RHPN1: variants seen among roughly 807,000 people sequenced by gnomAD.
The protein encoded by RHPN1 is rhophilin Rho GTPase binding protein 1.
In RHPN1, 77 loss-of-function variants were observed where a neutral mutation model predicts 74.7. The observed-to-expected ratio is 1.03, with a 90% CI of 0.86 to 1.25. RHPN1 has a LOEUF of 1.25. Among genes scored for constraint, RHPN1 ranks in the 50% most tolerant of loss-of-function variants. The probability of loss-of-function intolerance (pLI) is 0.00; values close to 1 mark genes in which losing one functional copy is unlikely to be tolerated. For missense variants in RHPN1, 987 were observed against 932.2 expected (o/e 1.06, Z -0.77); for synonymous variants, 444 against 414.5 (o/e 1.07, Z -0.87).
chr8:143,379,301 C>A lies in RHPN1; in HGVS notation c.752-14C>A, dbSNP rs1301396235. On this transcript the variant is annotated splice_polypyrimidine_tract_variant and intron_variant, in intron 7 of 14. Transcript: ENST00000289013. ...TACAGGGCCCTGCCTGTGTGAGCACCCCTCCCTCCGCAGGGGCCTTCAGCC... is the reference window on the plus strand; with the variant it reads ...TACAGGGCCCTGCCTGTGTGAGCACACCTCCCTCCGCAGGGGCCTTCAGCC... 4 of 1,568,588 alleles carry A rather than the reference C, an allele frequency of 2.6e-6. No individual in the cohort carries two copies. Among genetic ancestry groups the A allele is most frequent in the Non-Finnish European group, 3.5e-6 (4 of 1,154,578 alleles).
Position 143,384,174 on chromosome 8 carries a change from T to C in RHPN1, c.*1523T>C, listed in dbSNP as rs1818922133. ...GCAGAATGGGCCAAGGTCACGCAGGTCTCCCCAGCACGTGTTAATTTGGTT... is the reference window on the plus strand; with the variant it reads ...GCAGAATGGGCCAAGGTCACGCAGGCCTCCCCAGCACGTGTTAATTTGGTT... On this transcript the variant is annotated 3_prime_UTR_variant, in exon 15 of 15. Transcript: ENST00000289013. 1 of 151,576 alleles carries C rather than the reference T, an allele frequency of 6.6e-6. No individual in the cohort carries two copies. The highest frequency in any genetic ancestry group is 2.1e-4 in the South Asian group (1 of 4,748). The allele number at this position is 151,576 out of a possible 1,614,324, so 9.4% of individuals were successfully genotyped here. A position where few individuals can be genotyped will look rare whatever the true frequency, so the allele number is the denominator to read the frequency against.
chr8:143,379,061 C>T lies in RHPN1; in HGVS notation c.734C>T (p.Ala245Val). Residue 245 changes from alanine (A) to valine (V), a missense_variant, in exon 7 of 15, where the codon GCC becomes GTC. Ala to Val is a moderately conservative substitution (Grantham distance 64). Coordinates refer to ENST00000289013, the MANE Select transcript of RHPN1 (RefSeq NM_052924.3). ...CTEGARRAMEAFQRAAGAFSL... is the reference protein window; with the variant it reads ...CTEGARRAMEVFQRAAGAFSL... ...GAGGGTGCCCGCCGCGCTATGGAGG[C>T]CTTCCAGAGGGCCGCTGGTGAGGGC... The T allele has an allele frequency of 6.5e-7, 1 of 1,527,906 alleles. No individual in the cohort carries two copies. Among genetic ancestry groups the T allele is most frequent in the Non-Finnish European group, 8.8e-7 (1 of 1,137,460 alleles). The allele number at this position is 1,527,906 out of a possible 1,614,324, so 94.6% of individuals were successfully genotyped here.
Position 143,379,468 on chromosome 8 carries a change from A to G in RHPN1, c.905A>G (p.Asp302Gly), listed in dbSNP as rs938153395. The change falls in exon 8 of 15, where the codon GAC (aspartate) becomes GGC (glycine). Residue 302 changes from aspartate (D) to glycine (G), a missense_variant. By Grantham distance (94) the Asp-to-Gly change is moderately conservative. Coordinates refer to ENST00000289013, the MANE Select transcript of RHPN1 (RefSeq NM_052924.3). ...LSPPASMAPQ[D>G]CLAQLRLAQE... ...CCACCTGCCTCCATGGCCCCCCAAG[A>G]CTGCCTGGCCCAGCTGCGCCTGGCG... is the stretch of plus-strand genomic sequence containing the variant. 6.4e-7 allele frequency: 1 copy of G among 1,568,772 alleles called. No homozygotes were observed. The highest frequency in any genetic ancestry group is 8.6e-7 in the Non-Finnish European group (1 of 1,157,430).
Position 143,382,637 on chromosome 8 carries a change from C to G in RHPN1, c.1999C>G (p.Pro667Ala). 1 of 1,609,700 alleles carries G rather than the reference C, an allele frequency of 6.2e-7. No individual in the cohort carries two copies. Among genetic ancestry groups the G allele is most frequent in the Non-Finnish European group, 8.5e-7 (1 of 1,179,562 alleles). ...AGCTCCGCCCTCATCCTTGAAGCAC[C>G]CAGGGTGGCCGTGAGGGCCAGGATC... ...KPAPPSSLKH[P>A]GWP The change falls in exon 15 of 15, where the codon CCA (proline) becomes GCA (alanine). Residue 667 changes from proline to alanine, a missense_variant. Transcript: ENST00000289013.
Position 143,379,291 on chromosome 8 carries a change from G to T in RHPN1, c.752-24G>T, listed in dbSNP as rs1294876864. ...GATGGGCAGGTACAGGGCCCTGCCT[G>T]TGTGAGCACCCCTCCCTCCGCAGGG... On this transcript the variant is annotated intron_variant, in intron 7 of 14. Coordinates refer to ENST00000289013, the MANE Select transcript of RHPN1 (RefSeq NM_052924.3). 1.9e-6 allele frequency: 3 copies of T among 1,556,332 alleles called. No homozygotes were observed. The African/African-American group carries it at 4.1e-5, about 21-fold the overall frequency.
chr8:143,374,035 C>T lies in RHPN1; in HGVS notation c.61-1518C>T, dbSNP rs550671404. 5 of 813,694 alleles carry T rather than the reference C, an allele frequency of 6.1e-6. No individual in the cohort carries two copies. In the South Asian group the frequency reaches 2.8e-4, roughly 45 times the overall value. 50.4% of individuals were successfully genotyped at this position (813,694 alleles called of 1,614,324 possible). On this transcript the variant is annotated intron_variant, in intron 1 of 14. Transcript: ENST00000289013. The stretch of plus-strand genomic sequence containing the variant: ...ATTTTGGGGGGCTGGACGAGCAGGC[C>T]TTCTGTCTAGGAAATCAAACCTTTC...
Position 143,379,493 on chromosome 8 carries a change from G to A in RHPN1, c.930G>A (p.Ala310=), listed in dbSNP as rs945412315. ...ACTGCCTGGCCCAGCTGCGCCTGGC[G>A]CAGGAGGCCGCCCAGGTGAGCTCGG... The part of the protein sequence containing the change: ...PQDCLAQLRL[A]QEAAQVAAEY... The change falls in exon 8 of 15, where the codon GCG becomes GCA. Residue 310 remains alanine, a synonymous_variant. Transcript: ENST00000289013. 90 of 1,555,144 alleles carry A rather than the reference G, an allele frequency of 5.8e-5. No homozygotes were observed. The highest frequency in any genetic ancestry group is 2.2e-4 in the African/African-American group (16 of 73,262).
In RHPN1 at chr8:143,378,814, TC is replaced by T. The variant is rs746814569; in HGVS notation, c.580del (p.His194ThrfsTer63). ...CCTGCCAGGAGCCTCGGGCTCTTCT[TC>T]CACTGGTAGGGGCTCTGCGGGCGGA... is the stretch of plus-strand genomic sequence containing the variant. ...LTPARSLGLFFHWYDSLTGVP... is the reference protein window; with the variant it reads ...LTPARSLGLFXHWYDSLTGVP... On this transcript the variant is annotated frameshift_variant, in exon 6 of 15. Coordinates refer to ENST00000289013, the MANE Select transcript of RHPN1 (RefSeq NM_052924.3). LOFTEE classifies it high-confidence loss of function. The T allele has an allele frequency of 4.5e-6, 7 of 1,564,938 alleles. No individual in the cohort carries two copies. The African/African-American group carries it at 8.2e-5, about 18-fold the overall frequency.
chr8:143,378,770 G>A lies in RHPN1; in HGVS notation c.534G>A (p.Leu178=). The A allele has an allele frequency of 6.3e-7, 1 of 1,575,390 alleles. No individual in the cohort carries two copies. Among genetic ancestry groups the A allele is most frequent in the Non-Finnish European group, 8.6e-7 (1 of 1,160,908 alleles). ...CCTATTACAACCAGCTGTGCTTCCT[G>A]GATGCGCGCTTCCTCACCCCTGCCA... The part of the protein sequence containing the change: ...LTAYYNQLCF[L]DARFLTPARS... Residue 178 remains leucine, a synonymous_variant, in exon 6 of 15, where the codon CTG becomes CTA. Transcript: ENST00000289013.
chr8:143,366,544 C>T (rs1043069248), upstream of RHPN1: 2 of 151,434 alleles, frequency 1.3e-5, no homozygotes, highest in African/African-American at 4.9e-5. Context: ...CACACACGCA[C>T]ATATGCACGC....
chr8:143,377,979 T>C (rs984869389), intron 4 of RHPN1, among the ~76,000 whole-genome samples: 2 of 152,162 alleles, frequency 1.3e-5, no homozygotes, highest in Non-Finnish European at 2.9e-5. Context: ...CACGTAAAAG[T>C]AGCGCTGAGT....
At chr8:143,366,021 A>G (rs527293611), upstream of RHPN1, among the ~76,000 whole-genome samples, 832 of 150,394 alleles carry the variant, frequency 5.5e-3, 5 homozygotes, top group Non-Finnish European at 9.1e-3. Context: ...AAAAAAGGCC[A>G]GTCACAGTGG....
chr8:143,378,125 C>A, intron 4 of RHPN1, 144 bp from the exon 5 acceptor site: 1 of 691,460 alleles, frequency 1.4e-6, no homozygotes, highest in Non-Finnish European at 2.5e-6. Flanking sequence ...GGGCCCAGGG[C>A]CCCCACGCTG....
chr8:143,382,948 C>G lies in RHPN1; in HGVS notation c.*297C>G, dbSNP rs1818841822. The G allele has an allele frequency of 2.2e-6, 1 of 446,046 alleles. No homozygotes were observed. The highest frequency in any genetic ancestry group is 4.1e-6 in the Non-Finnish European group (1 of 244,626). 27.6% of individuals were successfully genotyped at this position (446,046 alleles called of 1,614,324 possible). A position where few individuals can be genotyped will look rare whatever the true frequency, so the allele number is the denominator to read the frequency against. On this transcript the variant is annotated 3_prime_UTR_variant, in exon 15 of 15. Coordinates refer to ENST00000289013, the MANE Select transcript of RHPN1 (RefSeq NM_052924.3). ...AGGGTGCTCCTCACAGCCATCCCAT[C>G]TGTACCCCCGGGCTCTGTCCACCCT...
intron 8 of RHPN1, 105 bp from the exon 9 acceptor site, chr8:143,379,724 G>C: frequency 6.8e-7 from 1 of 1,467,312 alleles, no homozygotes; most frequent in Non-Finnish European, 9.0e-7. Flanking sequence ...AGGTGCCAGG[G>C]AGGCTGCTGG....
Position 143,369,036 on chromosome 8 carries a change from C to A in RHPN1, c.49C>A (p.Pro17Thr). 1 of 1,494,922 alleles carries A rather than the reference C, an allele frequency of 6.7e-7. No homozygotes were observed. The highest frequency in any genetic ancestry group is 8.8e-7 in the Non-Finnish European group (1 of 1,130,138). The allele number at this position is 1,494,922 out of a possible 1,614,324, so 92.6% of individuals were successfully genotyped here. The part of the protein sequence containing the change: ...PDGAGAGEES[P>T]RLQGCDSLTQ... ...CGGCGCGGGCGCCGGCGAGGAGAGC[C>A]CGCGGCTGCAGGTGCGCAGAACTGG... is the stretch of plus-strand genomic sequence containing the variant. Residue 17 changes from proline to threonine, a missense_variant, in exon 1 of 15, where the codon CCG becomes ACG. Physicochemically the swap from Pro to Thr is conservative, Grantham distance 38. Coordinates refer to ENST00000289013, the MANE Select transcript of RHPN1 (RefSeq NM_052924.3).
chr8:143,378,664 G>C, intron 5 of RHPN1, 32 bp from the exon 6 acceptor site: 1 of 1,586,122 alleles, frequency 6.3e-7, no homozygotes, highest in Non-Finnish European at 8.6e-7. Flanking sequence ...GGTGGGCCAG[G>C]GCGGTGGGGC....
Position 143,379,990 on chromosome 8 carries a change from G to A in RHPN1, c.1102+5G>A. 1.3e-6 allele frequency: 2 copies of A among 1,558,088 alleles called. No individual in the cohort carries two copies. The highest frequency in any genetic ancestry group is 1.2e-5 in the South Asian group (1 of 84,646). On this transcript the variant is annotated splice_donor_5th_base_variant and intron_variant, in intron 9 of 14. Transcript: ENST00000289013. ...TGGCCCTCTGCGACGGCTCCCGTGA[G>A]TGCCCACCACACTTGCCCATGGTAC...
chr8:143,377,746 C>G (rs1194431627), intron 4 of RHPN1, among the ~76,000 whole-genome samples: 1 of 152,188 alleles, frequency 6.6e-6, no homozygotes, highest in Non-Finnish European at 1.5e-5. Flanking sequence ...AGGATGGGGC[C>G]TGGAAGCCCC....
Sources: allele counts gnomAD v4.1 joint callset (sites outside exome capture counted in the v4.1 genomes callset), GRCh38; gene constraint gnomAD v4.1.1; transcripts MANE v1.5; gene names NCBI Gene and HGNC (gene_info 2026-07-23, HGNC 2026-07-21).